HEXB: variants seen among roughly 807,000 people sequenced by gnomAD.
HEXB encodes beta-hexosaminidase subunit beta.
In HEXB, 51 loss-of-function variants were observed where a neutral mutation model predicts 71.2. The observed-to-expected ratio is 0.72, with a 90% CI of 0.57 to 0.90. The LOEUF (loss-of-function observed/expected upper bound fraction) is 0.90. Among genes scored for constraint, HEXB ranks in the 40% least tolerant of loss-of-function variants. The pLI is 0.00. For missense variants in HEXB, 617 were observed against 677.0 expected, an observed-to-expected ratio of 0.91 and a Z score of 0.98; for synonymous variants, 266 against 249.3, an observed-to-expected ratio of 1.07 and a Z score of -0.63.
rs1177552391 is a variant in HEXB at position 74,707,059 on chromosome 5, C to T, written c.771+1739C>T. On this transcript the variant is annotated intron_variant, in intron 6 of 13. Coordinates refer to ENST00000261416, the MANE Select transcript of HEXB (RefSeq NM_000521.4). ...GCACCCCCCAGTAGGGGCAGACTGACACCTCACACAGCCGGGTATTCCTCT... is the reference window on the plus strand; with the variant it reads ...GCACCCCCCAGTAGGGGCAGACTGATACCTCACACAGCCGGGTATTCCTCT... Among the ~76,000 whole-genome samples, 17 of 152,272 alleles carry T rather than the reference C, an allele frequency of 1.1e-4. 1 individual carries two copies. Among genetic ancestry groups the T allele is most frequent in the African/African-American group, 4.1e-4 (17 of 41,472 alleles).
intron 1 of HEXB, among the ~76,000 whole-genome samples, chr5:74,664,491 A>C (rs1748399048): frequency 6.6e-6 from 1 of 151,662 alleles, no homozygotes; most frequent in Non-Finnish European, 1.5e-5. Flanking sequence ...GGCGCTGTTA[A>C]CCATTTAAAA....
intron 6 of HEXB, among the ~76,000 whole-genome samples, chr5:74,712,739 AGTT>A (rs1749578853): frequency 6.6e-6 from 1 of 152,188 alleles, no homozygotes; most frequent in Admixed American, 6.5e-5. Context: ...ATAAACTGGT[AGTT>A]GAATCTAGTC....
At chr5:74,718,571 C>A (rs1003491279) in intron 10 of HEXB, among the ~76,000 whole-genome samples, 3 of 151,962 alleles carry the variant, frequency 2.0e-5, no homozygotes, top group African/African-American at 7.3e-5. Flanking sequence ...ATGTGGTATC[C>A]ATATATAAGC....
chr5:74,675,755 T>C (rs1443514921), intron 1 of HEXB, among the ~76,000 whole-genome samples: 2 of 152,258 alleles, frequency 1.3e-5, no homozygotes, highest in African/African-American at 4.8e-5. Context: ...CTTTACATTT[T>C]ACAAAGATGA....
chr5:74,666,611 C>T (rs939704830), intron 1 of HEXB, among the ~76,000 whole-genome samples: 1 of 152,200 alleles, frequency 6.6e-6, no homozygotes, highest in African/African-American at 2.4e-5. Context: ...CCCTAAGAGG[C>T]CCTGCCCACA....
chr5:74,662,733 T>C (rs1454927669), intron 1 of HEXB, among the ~76,000 whole-genome samples: 1 of 152,238 alleles, frequency 6.6e-6, no homozygotes, highest in Non-Finnish European at 1.5e-5. Flanking sequence ...ATTTTATTAT[T>C]ATATTAATAT....
At chr5:74,649,027 T>G (rs1339890453) in intron 1 of HEXB, among the ~76,000 whole-genome samples, 1 of 152,200 alleles carries the variant, frequency 6.6e-6, no homozygotes, top group African/African-American at 2.4e-5. Flanking sequence ...TCTGAAGATA[T>G]TCAAAACCAA....
intron 6 of HEXB, among the ~76,000 whole-genome samples, chr5:74,713,007 C>A (rs1749585728): frequency 6.6e-6 from 1 of 152,040 alleles, no homozygotes; most frequent in Non-Finnish European, 1.5e-5. Flanking sequence ...CTTTGAAGGA[C>A]AACAGCTATG....
intron 1 of HEXB, among the ~76,000 whole-genome samples, chr5:74,668,230 TTGTGTGTG>T (rs34727155): frequency 9.0e-4 from 134 of 148,628 alleles, no homozygotes; most frequent in African/African-American, 2.9e-3. Context: ...TTTGTTTTGT[TTGTGTGTG>T]TGTGTGTGTG....
In HEXB at chr5:74,658,746, T is replaced by C. The variant is rs554658141; in HGVS notation, c.-377+18188T>C. Reference sequence around the variant, plus strand: ...TCCTAAACTCTGCCCTATGCATCTCTTCCTTTGGCTGATTTTAATCTGTAT... The same window carrying C: ...TCCTAAACTCTGCCCTATGCATCTCCTCCTTTGGCTGATTTTAATCTGTAT... On this transcript the variant is annotated intron_variant, in intron 1 of 13. Coordinates refer to the HEXB transcript ENST00000511181. 6.6e-5 allele frequency among the ~76,000 whole-genome samples: 10 copies of C among 152,306 alleles called. No individual in the cohort carries two copies. The South Asian group carries it at 1.0e-3, about 16-fold the overall frequency.
intron 9 of HEXB, among the ~76,000 whole-genome samples, chr5:74,717,714 G>A (rs191036367): frequency 3.4e-4 from 52 of 152,058 alleles, no homozygotes; most frequent in Admixed American, 9.8e-4. Flanking sequence ...CTTAGCCCAT[G>A]AGACATACAA....
chr5:74,676,918 A>G (rs1748640821), intron 1 of HEXB, among the ~76,000 whole-genome samples: 2 of 151,798 alleles, frequency 1.3e-5, no homozygotes, highest in African/African-American at 4.8e-5. Context: ...ACGGAGTCTC[A>G]CTCTGTCACC....
Position 74,685,544 on chromosome 5 carries a change from A to G in HEXB, c.284A>G (p.Glu95Gly), listed in dbSNP as rs1748845839. 6.4e-7 allele frequency: 1 copy of G among 1,564,188 alleles called. No individual in the cohort carries two copies. Among genetic ancestry groups the G allele is most frequent in the Admixed American group, 2.0e-5 (1 of 50,000 alleles). ...GCGGGCCCCTCCTGCACCCTGCTGG[A>G]GGAAGCGTTTCGACGGTGAGCGCTC... ...STAGPSCTLL[E>G]EAFRRYHGYI... The change falls in exon 1 of 14, where the codon GAG becomes GGG. Residue 95 changes from glutamate (E) to glycine (G), a missense_variant. By Grantham distance (98) the Glu-to-Gly change is moderately conservative (BLOSUM62 -2). Transcript: ENST00000261416.
intron 1 of HEXB, among the ~76,000 whole-genome samples, chr5:74,643,003 G>A (rs928463489): frequency 1.3e-5 from 2 of 152,198 alleles, no homozygotes; most frequent in Non-Finnish European, 2.9e-5. Flanking sequence ...CTGCCTCGGG[G>A]AGATAAGCAA....
chr5:74,712,202 A>G (rs1749559763), intron 6 of HEXB, among the ~76,000 whole-genome samples: 2 of 148,646 alleles, frequency 1.3e-5, no homozygotes, highest in Non-Finnish European at 1.5e-5. Flanking sequence ...AACACCGCAT[A>G]TTCTCACTCA....
chr5:74,699,436 G>A (rs1248198549), intron 5 of HEXB, among the ~76,000 whole-genome samples: 5 of 151,806 alleles, frequency 3.3e-5, no homozygotes, highest in African/African-American at 1.2e-4. Flanking sequence ...CACCACACCT[G>A]GCTAATTTTT....
chr5:74,712,571 G>A (rs1468736571), intron 6 of HEXB, among the ~76,000 whole-genome samples: 1 of 152,114 alleles, frequency 6.6e-6, no homozygotes, highest in Non-Finnish European at 1.5e-5. Flanking sequence ...GAGTTAATAT[G>A]TCTAGTAATT....
intron 1 of HEXB, among the ~76,000 whole-genome samples, chr5:74,679,256 GT>G (rs957294397): frequency 6.6e-6 from 1 of 152,166 alleles, no homozygotes; most frequent in Admixed American, 6.5e-5. Context: ...AAAGCATGAG[GT>G]ACCTTGAAAA....
chr5:74,720,792 C>T, intron 13 of HEXB, 45 bp downstream of exon 13: 1 of 1,415,416 alleles, frequency 7.1e-7, no homozygotes, highest in Admixed American at 1.7e-5. Flanking sequence ...CCTTCTTATT[C>T]AGTGTTAGTT....
Sources: allele counts gnomAD v4.1 joint callset (sites outside exome capture counted in the v4.1 genomes callset), GRCh38; gene constraint gnomAD v4.1.1; transcripts MANE v1.5; gene names NCBI Gene and HGNC (gene_info 2026-07-23, HGNC 2026-07-21).